Variants in ERC2 observed in about 807,000 individuals in gnomAD.
ERC2 encodes the protein ERC protein 2.
ERC2 carries 42 observed loss-of-function variants against 114.8 expected under a neutral mutation model. The ratio of observed to expected loss-of-function variants is 0.37; its 90% CI spans 0.29 to 0.47. ERC2 has a LOEUF of 0.47. Ranked by LOEUF, ERC2 falls within the 20% of genes least tolerant of loss-of-function variation. The probability of loss-of-function intolerance (pLI) is 0.99; values close to 1 mark genes in which losing one functional copy is unlikely to be tolerated. For missense variants in ERC2, 939 were observed against 1,150.7 expected (o/e 0.82, Z 2.66); for synonymous variants, 454 against 425.5 (o/e 1.07, Z -0.82).
intron 17 of ERC2, among the ~76,000 whole-genome samples, chr3:55,527,890 T>C (rs1216438908): frequency 6.6e-6 from 1 of 152,126 alleles, no homozygotes; most frequent in Non-Finnish European, 1.5e-5. Flanking sequence ...CTTCTAGTTC[T>C]CAAATCCTAG....
chr3:56,211,057 T>C (rs190764246), intron 3 of ERC2, among the ~76,000 whole-genome samples: 162 of 152,222 alleles, frequency 1.1e-3, no homozygotes, highest in Admixed American at 1.8e-3. Context: ...ATAAAATTTA[T>C]CTCATTAGGT....
chr3:55,905,762 T>C (rs549160191), intron 13 of ERC2, among the ~76,000 whole-genome samples: 1 of 152,242 alleles, frequency 6.6e-6, no homozygotes, highest in Non-Finnish European at 1.5e-5. Context: ...GTAGAATCTG[T>C]TCTTTCTTAC....
At chr3:56,028,227 A>G (rs914509677) in intron 7 of ERC2, among the ~76,000 whole-genome samples, 1 of 152,164 alleles carries the variant, frequency 6.6e-6, no homozygotes, top group Non-Finnish European at 1.5e-5. Flanking sequence ...TAATATTAGT[A>G]GAGTGAATCT....
intron 7 of ERC2, among the ~76,000 whole-genome samples, chr3:56,043,435 C>A (rs999881234): frequency 5.9e-5 from 9 of 151,928 alleles, no homozygotes; most frequent in African/African-American, 1.9e-4. Flanking sequence ...CATGCATATA[C>A]CTTTCATTTG....
At chr3:56,430,363 G>GA (rs2061740726) in intron 2 of ERC2, among the ~76,000 whole-genome samples, 1 of 152,102 alleles carries the variant, frequency 6.6e-6, no homozygotes, top group South Asian at 2.1e-4. Flanking sequence ...CCATCTCTAG[G>GA]AAAAAGAAAT....
chr3:55,927,967 C>T (rs757508720), intron 13 of ERC2, among the ~76,000 whole-genome samples: 23 of 152,198 alleles, frequency 1.5e-4, no homozygotes, highest in Non-Finnish European at 2.1e-4. Flanking sequence ...AATGGTACTC[C>T]ATTGTGTATA....
At chr3:56,430,420 C>G (rs914551904) in intron 2 of ERC2, among the ~76,000 whole-genome samples, 2 of 152,182 alleles carry the variant, frequency 1.3e-5, no homozygotes, top group Non-Finnish European at 2.9e-5. Flanking sequence ...CAGTGGCTCA[C>G]GCCTGTAATC....
At position 56,296,073 on chromosome 3, in the gene ERC2, G is replaced by GATTTTAGCCT. The variant is rs755837307; in HGVS notation, c.1019_1020insAGGCTAAAAT (p.Ser340ArgfsTer3). ...TCTGATCTAAAATCACTTCCAAGTGGCTGACCTGAGACTCAGCCTCTGCCA... is the reference window on the plus strand; with the variant it reads ...TCTGATCTAAAATCACTTCCAAGTGGATTTTAGCCTCTGACCTGAGACTCAGCCTCTGCCA... On this transcript the variant is annotated stop_gained and frameshift_variant, in exon 3 of 18. Transcript: ENST00000288221. LOFTEE classifies it high-confidence loss of function. 6.2e-7 allele frequency: 1 copy of GATTTTAGCCT among 1,611,034 alleles called. No individual in the cohort carries two copies. Among genetic ancestry groups the GATTTTAGCCT allele is most frequent in the South Asian group, 1.1e-5 (1 of 90,826 alleles).
chr3:56,464,259 A>G (rs568404415), intron 1 of ERC2, among the ~76,000 whole-genome samples: 65 of 152,350 alleles, frequency 4.3e-4, no homozygotes, highest in African/African-American at 1.5e-3. Flanking sequence ...TACTTTTCCA[A>G]AACAGGTTAT....
At chr3:55,955,735 T>G (rs1037946663) in intron 12 of ERC2, among the ~76,000 whole-genome samples, 2 of 152,214 alleles carry the variant, frequency 1.3e-5, no homozygotes, top group African/African-American at 2.4e-5. Flanking sequence ...ATATATGCAT[T>G]CATTTCTCTT....
At chr3:56,404,586 A>T (rs2060639918) in intron 2 of ERC2, among the ~76,000 whole-genome samples, 1 of 152,218 alleles carries the variant, frequency 6.6e-6, no homozygotes, top group African/African-American at 2.4e-5. Context: ...TTAGATTGTA[A>T]CACAAAGGAT....
intron 12 of ERC2, among the ~76,000 whole-genome samples, chr3:55,963,676 A>G (rs1437906643): frequency 2.0e-5 from 3 of 152,246 alleles, no homozygotes; most frequent in African/African-American, 7.2e-5. Context: ...GGAGTACTGT[A>G]TCATTCTAAA....
chr3:56,298,770 T>C (rs1302668818), intron 2 of ERC2, among the ~76,000 whole-genome samples: 1 of 152,134 alleles, frequency 6.6e-6, no homozygotes, highest in Non-Finnish European at 1.5e-5. Flanking sequence ...GTTCTCAAGT[T>C]AGATAGGGGT....
intron 7 of ERC2, among the ~76,000 whole-genome samples, chr3:56,043,869 T>C (rs1278178684): frequency 6.6e-6 from 1 of 152,178 alleles, no homozygotes; most frequent in African/African-American, 2.4e-5. Context: ...TTTTAGTAAT[T>C]AAGATTTGTC....
intron 14 of ERC2, among the ~76,000 whole-genome samples, chr3:55,787,525 T>C (rs928786171): frequency 6.6e-6 from 1 of 152,220 alleles, no homozygotes; most frequent in African/African-American, 2.4e-5. Flanking sequence ...GGGCTAGACA[T>C]GGCATCTCAA....
At chr3:55,872,643 T>C (rs1265252807) in intron 14 of ERC2, among the ~76,000 whole-genome samples, 1 of 151,664 alleles carries the variant, frequency 6.6e-6, no homozygotes, top group Non-Finnish European at 1.5e-5. Context: ...AAGGTTTATG[T>C]CCCCAGAGAA....
At chr3:56,129,874 G>A (rs1575527807) in intron 6 of ERC2, among the ~76,000 whole-genome samples, 1 of 152,248 alleles carries the variant, frequency 6.6e-6, no homozygotes, top group Non-Finnish European at 1.5e-5. Context: ...AAGTGATTCT[G>A]TTATCTTAAT....
intron 2 of ERC2, among the ~76,000 whole-genome samples, chr3:56,341,295 A>C (rs1044201236): frequency 1.3e-5 from 2 of 152,170 alleles, no homozygotes; most frequent in Non-Finnish European, 2.9e-5. Flanking sequence ...CCTATAATAA[A>C]AGTCATTCTG....
At chr3:55,534,264 T>A (rs752201693) in intron 17 of ERC2, among the ~76,000 whole-genome samples, 2 of 151,834 alleles carry the variant, frequency 1.3e-5, no homozygotes, top group Non-Finnish European at 2.9e-5. Flanking sequence ...ACAAAAAGAA[T>A]AAAAATAAAT....
Sources: gnomAD v4.1 joint callset for allele counts (sites outside exome capture counted in the v4.1 genomes callset) on GRCh38, gnomAD v4.1.1 for gene constraint, MANE v1.5 for transcripts, NCBI Gene and HGNC (gene_info 2026-07-23, HGNC 2026-07-21) for gene names.